CPEB1: variants seen among roughly 807,000 people sequenced by gnomAD.
The protein encoded by CPEB1 is cytoplasmic polyadenylation element-binding protein 1.
In CPEB1, 7 loss-of-function variants were observed where a neutral mutation model predicts 65.8. The observed-to-expected ratio is 0.11, with a 90% CI of 0.06 to 0.20. The LOEUF (loss-of-function observed/expected upper bound fraction) is 0.20. CPEB1 is among the 10% of genes least tolerant of loss of function. CPEB1 has a pLI of 1.00. For missense variants in CPEB1, 551 were observed against 712.2 expected (o/e 0.77, Z 2.58); for synonymous variants, 262 against 260.0 (o/e 1.01, Z -0.08).
At chr15:82,554,588 T>C (rs748468935) in intron 6 of CPEB1, among the ~76,000 whole-genome samples, 2 of 152,224 alleles carry the variant, frequency 1.3e-5, no homozygotes, top group Non-Finnish European at 2.9e-5. Context: ...TGGGCCTTCC[T>C]TGATGCCAGC....
At chr15:82,592,812 T>C (rs1428968137) in intron 3 of CPEB1, among the ~76,000 whole-genome samples, 1 of 151,914 alleles carries the variant, frequency 6.6e-6, no homozygotes, top group Non-Finnish European at 1.5e-5. Flanking sequence ...CGGGCTAACA[T>C]GGTGAAACCC....
chr15:82,573,336 T>A, intron 3 of CPEB1: 2 of 633,634 alleles, frequency 3.2e-6, no homozygotes, highest in Non-Finnish European at 5.1e-6. Flanking sequence ...TGTCAAAGCC[T>A]TGTTCATCAT....
intron 3 of CPEB1, among the ~76,000 whole-genome samples, chr15:82,601,948 G>A (rs925410742): frequency 2.0e-5 from 3 of 152,130 alleles, no homozygotes; most frequent in African/African-American, 7.2e-5. Flanking sequence ...GATAGAATAA[G>A]CATATATTCC....
intron 3 of CPEB1, among the ~76,000 whole-genome samples, chr15:82,613,810 G>A (rs112790205): frequency 1.4e-5 from 2 of 145,626 alleles, no homozygotes; most frequent in South Asian, 2.2e-4. Context: ...AGCTCCCCCC[G>A]GGGAGAGAGA....
intron 1 of CPEB1, among the ~76,000 whole-genome samples, chr15:82,645,974 A>G (rs1027506845): frequency 2.0e-5 from 3 of 152,254 alleles, no homozygotes; most frequent in South Asian, 2.1e-4. Context: ...ATGGGGACAA[A>G]TAAAAGACCA....
intron 3 of CPEB1, among the ~76,000 whole-genome samples, chr15:82,615,240 A>G (rs769200204): frequency 2.0e-5 from 3 of 152,344 alleles, no homozygotes; most frequent in Middle Eastern, 3.4e-3. Context: ...TTAAGAATGT[A>G]TATGTTTACA....
intron 1 of CPEB1, among the ~76,000 whole-genome samples, chr15:82,635,095 TCCGCCCGCCTCAG>T (rs1328874294): frequency 6.6e-6 from 1 of 152,172 alleles, no homozygotes; most frequent in African/African-American, 2.4e-5. Flanking sequence ...CCTCAGGTGA[TCCGCCCGCCTCAG>T]CCTCCCAAAG....
intron 3 of CPEB1, among the ~76,000 whole-genome samples, chr15:82,579,959 ACT>A (rs1304045222): frequency 4.9e-5 from 5 of 102,942 alleles, no homozygotes; most frequent in African/African-American, 3.4e-5. Flanking sequence ...AAAAAAAAAG[ACT>A]CTCAAGCACA....
intron 3 of CPEB1, among the ~76,000 whole-genome samples, chr15:82,599,748 C>A (rs993562604): frequency 6.6e-6 from 1 of 152,100 alleles, no homozygotes; most frequent in African/African-American, 2.4e-5. Flanking sequence ...AGCTGGGACC[C>A]CCCAGAGTAC....
chr15:82,643,624 C>CA (rs1373989684), intron 1 of CPEB1, among the ~76,000 whole-genome samples: 2,047 of 129,558 alleles, frequency 0.016, 33 homozygotes, highest in African/African-American at 0.046. Context: ...GTCTCCATCT[C>CA]AAAAAAAAAA....
intron 3 of CPEB1, among the ~76,000 whole-genome samples, chr15:82,601,837 T>TA (rs2043147009): frequency 6.6e-6 from 1 of 152,110 alleles, no homozygotes. Context: ...TAAAACTTAA[T>TA]AAAAGCATAC....
rs374108325 is a variant in CPEB1 at position 82,557,975 on chromosome 15, G to A, written c.472C>T (p.Leu158Phe). The A allele has an allele frequency of 8.1e-6, 13 of 1,609,862 alleles. No homozygotes were observed. Among genetic ancestry groups the A allele is most frequent in the South Asian group, 7.7e-5 (7 of 90,500 alleles). ...AGGACATTTCCCAGTGGGTTATGGA[G>A]CATGCTCAGTACTAGGAGGACAAAA... ...QSSTHSVLSM[L>F]HNPLGNVLGK... is the part of the protein sequence containing the mutation. Residue 158 changes from leucine to phenylalanine, a missense_variant, in exon 5 of 13, where the codon CTC becomes TTC. Leu to Phe is a conservative substitution (Grantham distance 22, BLOSUM62 0). Coordinates refer to ENST00000684509, the MANE Select transcript of CPEB1 (RefSeq NM_001365242.1).
upstream of CPEB1, chr15:82,648,103 G>C (rs959206299): frequency 2.2e-5 from 8 of 367,552 alleles, no homozygotes; most frequent in Non-Finnish European, 3.9e-5. Flanking sequence ...GCCCCTCCTA[G>C]CAGGCCGAGC....
Position 82,628,712 on chromosome 15 carries a change from CCT to C in CPEB1, c.-97-158_-97-157del, listed in dbSNP as rs35200195. 2,683 of 453,506 alleles carry C rather than the reference CCT, an allele frequency of 5.9e-3. 52 individuals are homozygous for C. Among genetic ancestry groups the C allele is most frequent in the African/African-American group, 0.043 (2,164 of 50,722 alleles). 28.1% of individuals were successfully genotyped at this position (453,506 alleles called of 1,614,324 possible). ...TCCACATCCTTCCACCTTTGCCACC[CCT>C]GAGAGAGCAAGACCAATCAATCCTT... On this transcript the variant is annotated intron_variant, in intron 1 of 12. Transcript: ENST00000684509.
chr15:82,601,921 CAT>C (rs992288539), intron 3 of CPEB1, among the ~76,000 whole-genome samples: 1 of 152,202 alleles, frequency 6.6e-6, no homozygotes, highest in Non-Finnish European at 1.5e-5. Context: ...GATTTTAACA[CAT>C]TTCTCTTAGT....
intron 3 of CPEB1, among the ~76,000 whole-genome samples, chr15:82,594,845 G>T (rs185520268): frequency 1.1e-5 from 1 of 90,560 alleles, no homozygotes; most frequent in African/African-American, 6.1e-5. Flanking sequence ...TGTGTGTCAG[G>T]AAAGAGGGAG....
chr15:82,619,133 G>A (rs1430175183), intron 3 of CPEB1, among the ~76,000 whole-genome samples: 1 of 152,188 alleles, frequency 6.6e-6, no homozygotes, highest in African/African-American at 2.4e-5. Context: ...AGAGTATCCA[G>A]AAACGGATCT....
intron 9 of CPEB1, among the ~76,000 whole-genome samples, chr15:82,552,073 C>G (rs1190144925): frequency 6.6e-6 from 1 of 152,092 alleles, no homozygotes; most frequent in Non-Finnish European, 1.5e-5. Context: ...TGGGAGGTCA[C>G]AAGGCACAGG....
At chr15:82,567,573 T>A (rs1451515540) in intron 4 of CPEB1, among the ~76,000 whole-genome samples, 1 of 151,372 alleles carries the variant, frequency 6.6e-6, no homozygotes, top group African/African-American at 2.4e-5. Flanking sequence ...GAGGCAGAGG[T>A]TGCAGTGAGC....
Sources: allele counts gnomAD v4.1 joint callset (sites outside exome capture counted in the v4.1 genomes callset), GRCh38; gene constraint gnomAD v4.1.1; transcripts MANE v1.5; gene names NCBI Gene and HGNC (gene_info 2026-07-23, HGNC 2026-07-21).